FBXL7: variants seen among roughly 807,000 people sequenced by gnomAD.
FBXL7 encodes the protein F-box and leucine rich repeat protein 7, also known as F-box/LRR-repeat protein 7.
A neutral mutation model predicts 38.3 loss-of-function variants in FBXL7; 12 were observed. The ratio of observed to expected loss-of-function variants is 0.31; its 90% CI spans 0.20 to 0.51. The LOEUF is 0.51. Among genes scored for constraint, FBXL7 ranks in the 20% least tolerant of loss-of-function variants. FBXL7 has a pLI of 0.98. For synonymous variants in FBXL7, 297 were observed against 300.9 expected (o/e 0.99, Z 0.13); for missense variants, 567 against 676.4 (o/e 0.84, Z 1.79).
intron 3 of FBXL7, among the ~76,000 whole-genome samples, chr5:15,934,818 A>C (rs544672929): frequency 6.6e-6 from 1 of 152,176 alleles, no homozygotes; most frequent in East Asian, 1.9e-4. Flanking sequence ...GATACTTAGC[A>C]CCAGCTATGA....
chr5:15,840,055 T>C (rs555856320), intron 2 of FBXL7, among the ~76,000 whole-genome samples: 22 of 152,236 alleles, frequency 1.4e-4, no homozygotes, highest in Admixed American at 3.3e-4. Flanking sequence ...GTCCTTCTCT[T>C]GTTGCATTTT....
intron 1 of FBXL7, among the ~76,000 whole-genome samples, chr5:15,605,981 T>G (rs1287971010): frequency 6.6e-6 from 1 of 152,192 alleles, no homozygotes; most frequent in Non-Finnish European, 1.5e-5. Flanking sequence ...TATGTATATC[T>G]GATTATCACA....
intron 2 of FBXL7, among the ~76,000 whole-genome samples, chr5:15,750,007 C>T (rs546349983): frequency 1.2e-3 from 176 of 152,326 alleles, no homozygotes; most frequent in African/African-American, 4.1e-3. Flanking sequence ...TTGTTTGAGG[C>T]ACAACCTGCA....
At chr5:15,894,919 A>G (rs948251489) in intron 2 of FBXL7, among the ~76,000 whole-genome samples, 1 of 152,158 alleles carries the variant, frequency 6.6e-6, no homozygotes, top group Non-Finnish European at 1.5e-5. Context: ...GGTGATAGCA[A>G]GTTGCTTCAC....
intron 1 of FBXL7, among the ~76,000 whole-genome samples, chr5:15,546,667 G>A (rs1737904987): frequency 6.6e-6 from 1 of 152,226 alleles, no homozygotes; most frequent in South Asian, 2.1e-4. Context: ...TGAGGTGGAA[G>A]TTGCAGTGAG....
intron 2 of FBXL7, among the ~76,000 whole-genome samples, chr5:15,692,587 GATA>G (rs1743217419): frequency 6.6e-6 from 1 of 152,144 alleles, no homozygotes; most frequent in African/African-American, 2.4e-5. Context: ...TTATTCTGAT[GATA>G]GAGTTTTTAC....
intron 2 of FBXL7, among the ~76,000 whole-genome samples, chr5:15,695,156 A>G (rs533755245): frequency 4.7e-4 from 72 of 152,224 alleles, no homozygotes; most frequent in Admixed American, 2.4e-3. Flanking sequence ...AAGAAAGGAA[A>G]AGGAAAGATG....
chr5:15,873,825 T>G (rs1332843558), intron 2 of FBXL7, among the ~76,000 whole-genome samples: 5 of 152,190 alleles, frequency 3.3e-5, no homozygotes, highest in Non-Finnish European at 7.3e-5. Flanking sequence ...ACAGCTGAAT[T>G]CTACCAGAGG....
intron 2 of FBXL7, among the ~76,000 whole-genome samples, chr5:15,865,346 G>T (rs572267013): frequency 6.6e-6 from 1 of 152,292 alleles, no homozygotes; most frequent in South Asian, 2.1e-4. Context: ...TTAGATCCTG[G>T]TCCCACAGGG....
intron 2 of FBXL7, among the ~76,000 whole-genome samples, chr5:15,744,015 C>T (rs1735954217): frequency 6.6e-6 from 1 of 152,160 alleles, no homozygotes; most frequent in Admixed American, 6.5e-5. Flanking sequence ...GGTCTCTGAA[C>T]CCAACCCAAG....
At chr5:15,862,470 C>T (rs374081374) in intron 2 of FBXL7, among the ~76,000 whole-genome samples, 8 of 152,086 alleles carry the variant, frequency 5.3e-5, no homozygotes, top group East Asian at 3.9e-4. Context: ...CTACAAAAAC[C>T]GGGCATTTTA....
intron 2 of FBXL7, among the ~76,000 whole-genome samples, chr5:15,617,509 T>G (rs1740495987): frequency 6.6e-6 from 1 of 152,020 alleles, no homozygotes; most frequent in Non-Finnish European, 1.5e-5. Flanking sequence ...CAGACTAGGG[T>G]GGAGTGCCGT....
intron 2 of FBXL7, among the ~76,000 whole-genome samples, chr5:15,862,960 G>T (rs1321091352): frequency 6.6e-6 from 1 of 152,160 alleles, no homozygotes; most frequent in Non-Finnish European, 1.5e-5. Context: ...AGCCCCTGGG[G>T]AACTCAAACA....
intron 2 of FBXL7, among the ~76,000 whole-genome samples, chr5:15,629,118 A>G (rs1046016528): frequency 2.6e-5 from 4 of 152,054 alleles, no homozygotes; most frequent in African/African-American, 9.7e-5. Flanking sequence ...TTTCTACAAA[A>G]AAAAAAAAAT....
At chr5:15,847,340 C>A (rs1738938286) in intron 2 of FBXL7, among the ~76,000 whole-genome samples, 1 of 152,066 alleles carries the variant, frequency 6.6e-6, no homozygotes, top group Non-Finnish European at 1.5e-5. Flanking sequence ...CAGGGAAAGC[C>A]CCTTATAAAA....
At chr5:15,718,338 C>G (rs917897780) in intron 2 of FBXL7, among the ~76,000 whole-genome samples, 1 of 152,126 alleles carries the variant, frequency 6.6e-6, no homozygotes, top group Non-Finnish European at 1.5e-5. Flanking sequence ...AAGGGTATTT[C>G]CCTTCATCTT....
At chr5:15,533,756 A>T (rs1376660293) in intron 1 of FBXL7, among the ~76,000 whole-genome samples, 3 of 152,158 alleles carry the variant, frequency 2.0e-5, no homozygotes, top group Non-Finnish European at 4.4e-5. Flanking sequence ...CCAAAATATG[A>T]TTAATGCTTG....
chr5:15,512,942 CT>C (rs1736841229), intron 1 of FBXL7, among the ~76,000 whole-genome samples: 1 of 152,086 alleles, frequency 6.6e-6, no homozygotes, highest in African/African-American at 2.4e-5. Context: ...GCTTAATGTT[CT>C]TTCTCTGTGT....
chr5:15,762,530 C>T (rs1736476865), intron 2 of FBXL7, among the ~76,000 whole-genome samples: 1 of 152,144 alleles, frequency 6.6e-6, no homozygotes, highest in Non-Finnish European at 1.5e-5. Flanking sequence ...CATATCCCAG[C>T]TGGGCTACTT....
Sources: gnomAD v4.1 joint callset for allele counts (sites outside exome capture counted in the v4.1 genomes callset) on GRCh38, gnomAD v4.1.1 for gene constraint, MANE v1.5 for transcripts, NCBI Gene and HGNC (gene_info 2026-07-23, HGNC 2026-07-21) for gene names.